The following NEK1 variants were observed in gnomAD, a reference collection of about 807,000 sequenced individuals.
NEK1 encodes NIMA related kinase 1, also known as serine/threonine-protein kinase Nek1.
In NEK1, 137 loss-of-function variants were observed where a neutral mutation model predicts 182.1. That is an observed-to-expected ratio of 0.75 (90% CI 0.65 to 0.87). The LOEUF (loss-of-function observed/expected upper bound fraction) is 0.87, where lower values mean the gene tolerates loss of function less well. Among genes scored for constraint, NEK1 ranks in the 40% least tolerant of loss-of-function variants. The pLI is 0.00. For synonymous variants in NEK1, 513 were observed against 492.2 expected, an observed-to-expected ratio of 1.04 and a Z score of -0.56; for missense variants, 1,391 against 1,494.4, an observed-to-expected ratio of 0.93 and a Z score of 1.14.
Position 169,426,194 on chromosome 4 carries a change from C to T in NEK1, c.2926G>A (p.Glu976Lys). 1 of 1,613,720 alleles carries T rather than the reference C, an allele frequency of 6.2e-7. No individual in the cohort carries two copies. Among genetic ancestry groups the T allele is most frequent in the Non-Finnish European group, 8.5e-7 (1 of 1,179,800 alleles). The change falls in exon 30 of 36, where the codon GAA becomes AAA. Residue 976 changes from glutamate to lysine, a missense_variant. Glu to Lys is a moderately conservative substitution (Grantham distance 56, BLOSUM62 1). Coordinates refer to ENST00000507142, the MANE Select transcript of NEK1 (RefSeq NM_001199397.3). ...RITIQENEVS[E>K]DGVSSTVDQL... ...TCCACAGTACTCGAGACTCCATCTT[C>T]AGAAACTTCATTTTCCTGAATGGTG...
At chr4:169,581,455 T>C (rs931116117) in intron 10 of NEK1, among the ~76,000 whole-genome samples, 5 of 151,996 alleles carry the variant, frequency 3.3e-5, no homozygotes, top group African/African-American at 1.2e-4. Flanking sequence ...TTTTTTTTGG[T>C]TTATTTTTTA....
chr4:169,463,460 AG>A, intron 26 of NEK1, 65 bp from the exon 27 acceptor site: 4 of 1,209,460 alleles, frequency 3.3e-6, no homozygotes, highest in Non-Finnish European at 4.5e-6. Context: ...ATGGTAAGGC[AG>A]ATTTTGAGTC....
intron 27 of NEK1, among the ~76,000 whole-genome samples, chr4:169,450,587 T>C (rs1191099614): frequency 2.0e-5 from 3 of 152,108 alleles, no homozygotes; most frequent in Non-Finnish European, 4.4e-5. Flanking sequence ...CTAAGTTTCA[T>C]AAGTGAAGCA....
chr4:169,607,705 C>T (rs1003517111), intron 2 of NEK1, among the ~76,000 whole-genome samples: 9 of 152,122 alleles, frequency 5.9e-5, no homozygotes, highest in South Asian at 2.1e-4. Flanking sequence ...CCTTGTGATC[C>T]GCCCGCCTCA....
intron 27 of NEK1, among the ~76,000 whole-genome samples, chr4:169,457,394 G>A (rs1743094727): frequency 6.6e-6 from 1 of 151,520 alleles, no homozygotes; most frequent in Non-Finnish European, 1.5e-5. Flanking sequence ...AATTGACTGA[G>A]AGGAAAGGCA....
Position 169,400,239 on chromosome 4 carries a change from C to A in NEK1, c.3833G>T (p.Gly1278Val), listed in dbSNP as rs867206987. 6.3e-7 allele frequency: 1 copy of A among 1,579,824 alleles called. No individual in the cohort carries two copies. The change falls in exon 35 of 36, where the codon GGA becomes GTA. Residue 1278 changes from glycine (G) to valine (V), a missense_variant. This residue lies in a region of NEK1 where 1,216 missense variants were observed against 1,277.6 expected (regional missense o/e 0.95). Transcript: ENST00000507142. Reference sequence around the variant, plus strand: ...GGAAATCTTACCTTCTTGGTAGGCTCCATCTGCCATGACTAAATGAAGAAT... The same window carrying A: ...GGAAATCTTACCTTCTTGGTAGGCTACATCTGCCATGACTAAATGAAGAAT... ...AKILHLVMADGAYQEDNDE is the reference protein window; with the variant it reads ...AKILHLVMADVAYQEDNDE
chr4:169,546,889 C>T (rs568094180), intron 18 of NEK1, among the ~76,000 whole-genome samples: 128 of 152,320 alleles, frequency 8.4e-4, no homozygotes, highest in African/African-American at 2.9e-3. Context: ...AGATGGGTCT[C>T]CTGAATACAG....
chr4:169,498,425 G>T (rs1751775826), intron 23 of NEK1, among the ~76,000 whole-genome samples: 1 of 152,162 alleles, frequency 6.6e-6, no homozygotes, highest in Non-Finnish European at 1.5e-5. Flanking sequence ...ATATTGTTAT[G>T]TGTGAATTTG....
intron 2 of NEK1, among the ~76,000 whole-genome samples, chr4:169,610,875 A>G (rs78653929): frequency 0.071 from 10,871 of 152,292 alleles, 1,274 homozygotes; most frequent in African/African-American, 0.25. Flanking sequence ...ATCCATACAT[A>G]CAGTTCTGCC....
chr4:169,543,683 C>T (rs543133948), intron 18 of NEK1, among the ~76,000 whole-genome samples: 14 of 152,244 alleles, frequency 9.2e-5, no homozygotes, highest in Non-Finnish European at 1.5e-5. Flanking sequence ...TTGTAGTTCT[C>T]CTTGAAGAGG....
chr4:169,579,763 C>T (rs1313615167), intron 11 of NEK1, among the ~76,000 whole-genome samples: 1 of 148,502 alleles, frequency 6.7e-6, no homozygotes, highest in Non-Finnish European at 1.5e-5. Context: ...CACTCCAGCC[C>T]GGCGACAGAG....
chr4:169,473,733 A>AAG (rs879860390), intron 26 of NEK1, among the ~76,000 whole-genome samples: 23 of 150,850 alleles, frequency 1.5e-4, no homozygotes, highest in African/African-American at 4.9e-4. Context: ...AAAAATACGA[A>AAG]AGAGAGAGAG....
At chr4:169,569,615 C>A (rs1355966693) in intron 12 of NEK1, among the ~76,000 whole-genome samples, 7 of 152,104 alleles carry the variant, frequency 4.6e-5, no homozygotes, top group African/African-American at 9.7e-5. Flanking sequence ...CCTCAGCCTG[C>A]CGAGTGCCTG....
At chr4:169,483,331 T>C (rs115289753) in intron 23 of NEK1, among the ~76,000 whole-genome samples, 1,994 of 152,244 alleles carry the variant, frequency 0.013, 37 homozygotes, top group African/African-American at 0.045. Flanking sequence ...GTTTGAAATA[T>C]GGCAAGAATT....
At position 169,587,626 on chromosome 4, in the gene NEK1, A is replaced by G. The variant is rs1350487916; in HGVS notation, c.552-13T>C. 3 of 1,507,826 alleles carry G rather than the reference A, an allele frequency of 2.0e-6. No individual in the cohort carries two copies. The highest frequency in any genetic ancestry group is 1.8e-6 in the Non-Finnish European group (2 of 1,111,664). The allele number at this position is 1,507,826 out of a possible 1,614,324, so 93.4% of individuals were successfully genotyped here. A position where few individuals can be genotyped will look rare whatever the true frequency, so the allele number is the denominator to read the frequency against. Reference sequence around the variant, plus strand: ...AGCCCAAATGTCACTGGAGAAGATAAAAATGAGAAATTTCCTCTAAGTATT... The same window carrying G: ...AGCCCAAATGTCACTGGAGAAGATAGAAATGAGAAATTTCCTCTAAGTATT... On this transcript the variant is annotated splice_polypyrimidine_tract_variant and intron_variant, in intron 8 of 35. Transcript: ENST00000507142.
At chr4:169,478,301 G>C (rs1007172131) in intron 24 of NEK1, 1 of 151,984 alleles carries the variant, frequency 6.6e-6, no homozygotes, top group East Asian at 1.9e-4. Flanking sequence ...TTAAAAATTT[G>C]GTGGTCAGTT....
intron 29 of NEK1, 138 bp from the exon 30 acceptor site, chr4:169,426,372 T>C (rs1736394416): frequency 3.0e-6 from 2 of 675,064 alleles, no homozygotes; most frequent in Admixed American, 2.5e-5. Context: ...CTCACTTTCA[T>C]ATATACTTTC....
At chr4:169,406,463 A>G (rs554206657) in intron 32 of NEK1, 133 bp downstream of exon 32, 2 of 563,144 alleles carry the variant, frequency 3.6e-6, no homozygotes, top group East Asian at 6.7e-5. Context: ...TAAAATAGAT[A>G]AAAATAATAT....
chr4:169,568,038 T>C (rs118093340), intron 12 of NEK1, among the ~76,000 whole-genome samples: 1,551 of 152,352 alleles, frequency 0.01, 61 homozygotes, highest in East Asian at 0.037. Context: ...TACACTTGGC[T>C]ACAATCCTAC....
Sources: gnomAD v4.1 joint callset for allele counts (sites outside exome capture counted in the v4.1 genomes callset) on GRCh38, gnomAD v4.1.1 for gene constraint, gnomAD v4.1.1 regional missense constraint, MANE v1.5 for transcripts, NCBI Gene and HGNC (gene_info 2026-07-23, HGNC 2026-07-21) for gene names.